TOGARAM1: variants seen among roughly 807,000 people sequenced by gnomAD.
The protein encoded by TOGARAM1 is TOG array regulator of axonemal microtubules 1, also known as TOG array regulator of axonemal microtubules protein 1.
TOGARAM1 carries 100 observed loss-of-function variants against 166.6 expected under a neutral mutation model. The ratio of observed to expected loss-of-function variants is 0.60; its 90% CI spans 0.51 to 0.71. The LOEUF is 0.71. Among genes scored for constraint, TOGARAM1 ranks in the 30% least tolerant of loss-of-function variants. The pLI is 0.00. For missense variants in TOGARAM1, 2,029 were observed against 2,102.7 expected (o/e 0.96, Z 0.69); for synonymous variants, 758 against 763.8 (o/e 0.99, Z 0.13).
chr14:44,985,714 TA>T (rs1886759765), intron 1 of TOGARAM1, among the ~76,000 whole-genome samples: 1 of 152,218 alleles, frequency 6.6e-6, no homozygotes, highest in Non-Finnish European at 1.5e-5. Context: ...GCTGGGTTCC[TA>T]ACAGGCCAGG....
intron 13 of TOGARAM1, among the ~76,000 whole-genome samples, chr14:45,045,112 A>G (rs1881924176): frequency 6.6e-6 from 1 of 152,162 alleles, no homozygotes; most frequent in Admixed American, 6.5e-5. Context: ...TGTCTGCCAC[A>G]CAAAATCATC....
rs1468829544 is a variant in TOGARAM1 at position 44,963,441 on chromosome 14, T to C, written c.1020T>C (p.Thr340=). The C allele has an allele frequency of 6.2e-7, 1 of 1,614,190 alleles. No individual in the cohort carries two copies. The highest frequency in any genetic ancestry group is 1.1e-5 in the South Asian group (1 of 91,088). ...AAGATCCCCTTCCCTGTGCAGTGAC[T>C]CTTTCCAACAGCAATCTTAAATTTG... is the stretch of plus-strand genomic sequence containing the variant. ...FPEDPLPCAV[T]LSNSNLKFGI... The change falls in exon 1 of 20, where the codon ACT becomes ACC. Residue 340 remains threonine (T), a synonymous_variant. Coordinates refer to ENST00000361462, the MANE Select transcript of TOGARAM1 (RefSeq NM_001308120.2).
At chr14:45,065,147 C>T (rs546796989) in intron 16 of TOGARAM1, among the ~76,000 whole-genome samples, 9 of 152,040 alleles carry the variant, frequency 5.9e-5, no homozygotes, top group Middle Eastern at 3.4e-3. Flanking sequence ...AAGTGAGACT[C>T]TTTCTCAAAA....
At chr14:44,968,032 C>A (rs576410425) in intron 1 of TOGARAM1, among the ~76,000 whole-genome samples, 10 of 151,992 alleles carry the variant, frequency 6.6e-5, no homozygotes, top group Non-Finnish European at 1.3e-4. Context: ...CAAAAAGAAT[C>A]TGAAGATAAG....
intron 14 of TOGARAM1, among the ~76,000 whole-genome samples, chr14:45,050,660 G>C (rs537254040): frequency 2.0e-5 from 3 of 151,814 alleles, no homozygotes; most frequent in East Asian, 3.9e-4. Context: ...TGTCACCCAG[G>C]CTAGAGGGCA....
At chr14:45,049,057 C>CAAAA (rs71108678) in intron 14 of TOGARAM1, among the ~76,000 whole-genome samples, 3 of 47,300 alleles carry the variant, frequency 6.3e-5, no homozygotes, top group African/African-American at 1.9e-4. Flanking sequence ...ACAAACTTCT[C>CAAAA]AAAAAAAAAA....
intron 1 of TOGARAM1, chr14:44,995,544 A>G: frequency 1.7e-6 from 1 of 583,730 alleles, no homozygotes; most frequent in Non-Finnish European, 3.2e-6. Flanking sequence ...AGTAAGAAAA[A>G]ACAATTAGCA....
intron 1 of TOGARAM1, among the ~76,000 whole-genome samples, chr14:44,992,712 G>A (rs996097078): frequency 4.0e-5 from 6 of 148,662 alleles, no homozygotes; most frequent in Non-Finnish European, 8.9e-5. Context: ...CCGCCTCCTG[G>A]CTTCACGCCA....
At chr14:44,990,961 T>C (rs1887093725) in intron 1 of TOGARAM1, among the ~76,000 whole-genome samples, 1 of 141,712 alleles carries the variant, frequency 7.1e-6, no homozygotes, top group African/African-American at 2.8e-5. Flanking sequence ...GGCTTTTTTT[T>C]TTTTTTTTTT....
At chr14:45,028,610 A>C (rs1331039308) in intron 10 of TOGARAM1, among the ~76,000 whole-genome samples, 1 of 152,158 alleles carries the variant, frequency 6.6e-6, no homozygotes, top group African/African-American at 2.4e-5. Flanking sequence ...ATCCCATTTT[A>C]TAGTAGATAA....
intron 2 of TOGARAM1, among the ~76,000 whole-genome samples, chr14:44,999,081 C>G (rs1400282902): frequency 2.6e-5 from 4 of 152,166 alleles, no homozygotes; most frequent in Non-Finnish European, 5.9e-5. Context: ...ACGTTCCATG[C>G]TGAGAGAAAG....
intron 1 of TOGARAM1, among the ~76,000 whole-genome samples, chr14:44,984,037 A>G (rs977657639): frequency 2.0e-5 from 3 of 152,194 alleles, no homozygotes; most frequent in African/African-American, 7.2e-5. Flanking sequence ...TTGGAGAACA[A>G]TAAGAATATT....
At chr14:45,065,397 CA>C (rs1330597789) in intron 16 of TOGARAM1, among the ~76,000 whole-genome samples, 1 of 151,854 alleles carries the variant, frequency 6.6e-6, no homozygotes, top group East Asian at 1.9e-4. Flanking sequence ...GAGCTAAAAA[CA>C]AAAAAACAAA....
intron 4 of TOGARAM1, 120 bp from the exon 5 acceptor site, chr14:45,005,888 G>A: frequency 1.3e-6 from 1 of 743,376 alleles, no homozygotes; most frequent in Non-Finnish European, 2.0e-6. Context: ...GTTCTCCCCA[G>A]TGACCAGCTA....
chr14:45,041,536 T>C (rs1300597348), intron 11 of TOGARAM1, among the ~76,000 whole-genome samples: 2 of 152,236 alleles, frequency 1.3e-5, no homozygotes, highest in East Asian at 3.8e-4. Flanking sequence ...CTCATCTCAT[T>C]GATTGAGGCT....
At chr14:45,058,742 C>G (rs960775599) in intron 16 of TOGARAM1, among the ~76,000 whole-genome samples, 3 of 152,102 alleles carry the variant, frequency 2.0e-5, no homozygotes, top group African/African-American at 7.2e-5. Flanking sequence ...CATTTGCATT[C>G]AAGGTTAATA....
chr14:44,985,746 C>G (rs1886761536), intron 1 of TOGARAM1, among the ~76,000 whole-genome samples: 1 of 152,202 alleles, frequency 6.6e-6, no homozygotes, highest in East Asian at 1.9e-4. Flanking sequence ...GTCCATGGCC[C>G]AGGAGTTGGG....
intron 14 of TOGARAM1, among the ~76,000 whole-genome samples, chr14:45,050,205 T>G (rs780397096): frequency 1.3e-5 from 2 of 152,190 alleles, no homozygotes; most frequent in Non-Finnish European, 1.5e-5. Flanking sequence ...CTGACATCAC[T>G]TCTCTTCCTG....
At chr14:45,030,130 G>T (rs1881074159) in intron 10 of TOGARAM1, among the ~76,000 whole-genome samples, 1 of 151,632 alleles carries the variant, frequency 6.6e-6, no homozygotes, top group South Asian at 2.1e-4. Context: ...AACAGTGGAA[G>T]TTTTTAAAAA....
Sources: allele counts gnomAD v4.1 joint callset (sites outside exome capture counted in the v4.1 genomes callset), GRCh38; gene constraint gnomAD v4.1.1; transcripts MANE v1.5; gene names NCBI Gene and HGNC (gene_info 2026-07-23, HGNC 2026-07-21).